Variants in PTPRT observed in about 807,000 individuals in gnomAD.
PTPRT encodes the protein receptor-type tyrosine-protein phosphatase T.
A neutral mutation model predicts 176.8 loss-of-function variants in PTPRT; 56 were observed. The observed-to-expected ratio is 0.32, with a 90% CI of 0.26 to 0.40. The LOEUF (loss-of-function observed/expected upper bound fraction) is 0.40. Among genes scored for constraint, PTPRT ranks in the 10% least tolerant of loss-of-function variants. PTPRT has a pLI of 1.00. For missense variants in PTPRT, 1,540 were observed against 1,908.2 expected (o/e 0.81, Z 3.60); for synonymous variants, 783 against 739.0 (o/e 1.06, Z -0.96).
At chr20:42,422,370 C>T (rs1203128483) in intron 9 of PTPRT, among the ~76,000 whole-genome samples, 1 of 151,936 alleles carries the variant, frequency 6.6e-6, no homozygotes, top group Non-Finnish European at 1.5e-5. Flanking sequence ...GAAAAAAAAC[C>T]CATACAAAAG....
intron 2 of PTPRT, among the ~76,000 whole-genome samples, chr20:42,811,419 T>C (rs961711507): frequency 6.6e-6 from 1 of 152,114 alleles, no homozygotes; most frequent in African/African-American, 2.4e-5. Flanking sequence ...TCTTTACTTG[T>C]ATGTAGCAGA....
At chr20:42,881,724 CAAAAAAAAAAAA>C (rs112191705) in intron 2 of PTPRT, among the ~76,000 whole-genome samples, 435 of 36,732 alleles carry the variant, frequency 0.012, 6 homozygotes, top group African/African-American at 0.027. Context: ...CACTCTGTCT[CAAAAAAAAAAAA>C]AAAAAAAAAA....
chr20:42,434,662 G>GAAAAAAA (rs10626020), intron 9 of PTPRT, among the ~76,000 whole-genome samples: 1 of 137,730 alleles, frequency 7.3e-6, no homozygotes. Context: ...ATCTTCATAA[G>GAAAAAAA]AAAAAAAAAA....
intron 25 of PTPRT, 102 bp from the exon 26 acceptor site, chr20:42,102,399 C>T: frequency 8.0e-7 from 1 of 1,249,578 alleles, no homozygotes; most frequent in Admixed American, 2.1e-5. Flanking sequence ...CTATTTCCAC[C>T]CTCTAAGCGC....
intron 7 of PTPRT, among the ~76,000 whole-genome samples, chr20:42,528,774 A>G (rs1464397644): frequency 6.6e-6 from 1 of 152,250 alleles, no homozygotes; most frequent in Admixed American, 6.5e-5. Flanking sequence ...ATACTAAGAC[A>G]TAAAATCAAT....
chr20:42,911,343 A>G (rs1293078398), intron 1 of PTPRT, among the ~76,000 whole-genome samples: 2 of 152,182 alleles, frequency 1.3e-5, no homozygotes, highest in African/African-American at 2.4e-5. Flanking sequence ...AGAGCTAAAT[A>G]TATACTAGCT....
chr20:43,145,415 C>A (rs1474674816), intron 1 of PTPRT, among the ~76,000 whole-genome samples: 1 of 152,164 alleles, frequency 6.6e-6, no homozygotes, highest in Non-Finnish European at 1.5e-5. Flanking sequence ...AATGCAGCCC[C>A]AAATGGCATA....
At chr20:42,872,044 G>C (rs7348564) in intron 2 of PTPRT, among the ~76,000 whole-genome samples, 3 of 152,148 alleles carry the variant, frequency 2.0e-5, no homozygotes, top group African/African-American at 7.2e-5. Context: ...TTGACTACAA[G>C]GCTTTGAATC....
intron 1 of PTPRT, among the ~76,000 whole-genome samples, chr20:43,181,178 G>A (rs1037483430): frequency 9.9e-5 from 15 of 152,126 alleles, no homozygotes; most frequent in Non-Finnish European, 2.1e-4. Context: ...CAACAGCCAC[G>A]GAAGTGAACC....
intron 8 of PTPRT, among the ~76,000 whole-genome samples, chr20:42,467,023 T>C (rs2071112798): frequency 1.3e-5 from 2 of 152,076 alleles, no homozygotes; most frequent in Admixed American, 6.5e-5. Context: ...AGGATTTCAA[T>C]ACACGGAGTC....
intron 7 of PTPRT, among the ~76,000 whole-genome samples, chr20:42,671,451 G>A (rs1354511146): frequency 1.3e-5 from 2 of 152,158 alleles, no homozygotes; most frequent in Non-Finnish European, 2.9e-5. Flanking sequence ...TGTTGGGGAT[G>A]TGCTGGAGGA....
intron 16 of PTPRT, among the ~76,000 whole-genome samples, chr20:42,184,477 C>G (rs568333339): frequency 2.8e-4 from 41 of 145,578 alleles, no homozygotes; most frequent in Non-Finnish European, 4.1e-4. Context: ...CCACTCCTTC[C>G]TTTCTTCCCT....
intron 18 of PTPRT, among the ~76,000 whole-genome samples, chr20:42,132,369 A>G (rs1294338874): frequency 6.6e-6 from 1 of 152,212 alleles, no homozygotes; most frequent in Non-Finnish European, 1.5e-5. Context: ...GTGCTAGGAC[A>G]TTAAGAAATG....
chr20:42,057,731 G>A, the PTPRT span, among the ~76,000 whole-genome samples: 6 of 152,182 alleles, frequency 3.9e-5, no homozygotes, highest in South Asian at 1.2e-3. Flanking sequence ...TAGGACTACA[G>A]ATAAACACCT....
chr20:42,853,461 A>G lies in PTPRT; in HGVS notation c.214+32346T>C, dbSNP rs208266. Among the ~76,000 whole-genome samples, 914 of 152,242 alleles carry G rather than the reference A, an allele frequency of 6.0e-3. 9 individuals carry two copies. The highest frequency in any genetic ancestry group is 0.021 in the African/African-American group (869 of 41,534). On this transcript the variant is annotated intron_variant, in intron 2 of 30. Transcript: ENST00000373187. ...TGGTATAACTCTCAGTCTGAGGCCA[A>G]AGTCCTGAGAACCCAGGATGAGAAG...
At chr20:42,912,829 G>A (rs1308961966) in intron 1 of PTPRT, among the ~76,000 whole-genome samples, 2 of 152,154 alleles carry the variant, frequency 1.3e-5, no homozygotes, top group African/African-American at 4.8e-5. Context: ...ATAAATACAT[G>A]GCTCTATTTC....
chr20:43,081,291 C>A (rs1301806660), intron 1 of PTPRT, among the ~76,000 whole-genome samples: 1 of 152,168 alleles, frequency 6.6e-6, no homozygotes, highest in Non-Finnish European at 1.5e-5. Flanking sequence ...ATTTCCATTT[C>A]TTCAGCAGTG....
At chr20:42,165,375 C>CTG (rs1989782223) in intron 16 of PTPRT, among the ~76,000 whole-genome samples, 1 of 152,064 alleles carries the variant, frequency 6.6e-6, no homozygotes, top group Non-Finnish European at 1.5e-5. Flanking sequence ...AGGCCACAGC[C>CTG]CTTGAAGGAG....
chr20:42,463,787 A>G (rs2071061398), intron 8 of PTPRT, among the ~76,000 whole-genome samples: 1 of 152,180 alleles, frequency 6.6e-6, no homozygotes, highest in Non-Finnish European at 1.5e-5. Flanking sequence ...TCTCCACTTC[A>G]GTTGCCATAT....
Sources: gnomAD v4.1 joint callset for allele counts (sites outside exome capture counted in the v4.1 genomes callset) on GRCh38, gnomAD v4.1.1 for gene constraint, MANE v1.5 for transcripts, NCBI Gene and HGNC (gene_info 2026-07-23, HGNC 2026-07-21) for gene names.